LDAF1: variants seen among roughly 807,000 people sequenced by gnomAD.
LDAF1 encodes the protein PROMETHIN.
In LDAF1, 7 loss-of-function variants were observed where a neutral mutation model predicts 13.5. The ratio of observed to expected loss-of-function variants is 0.52; its 90% CI spans 0.29 to 0.97. The LOEUF is 0.97. LDAF1 is among the 50% of genes least tolerant of loss of function. The pLI is 0.07. For synonymous variants in LDAF1, 69 were observed against 77.1 expected (o/e 0.89, Z 0.55); for missense variants, 148 against 193.2 (o/e 0.77, Z 1.39).
At chr16:21,177,663 G>T (rs541407019) in intron 4 of LDAF1, among the ~76,000 whole-genome samples, 2 of 126,830 alleles carry the variant, frequency 1.6e-5, no homozygotes, top group East Asian at 4.7e-4. Flanking sequence ...CTCTCACCCA[G>T]GCTGGAGTGC....
At chr16:21,166,922 C>G (rs1288458243) in intron 2 of LDAF1, 1 of 1,535,068 alleles carries the variant, frequency 6.5e-7, no homozygotes, top group South Asian at 1.2e-5. Context: ...GTGATTCCTG[C>G]TACAGTCATC....
chr16:21,175,555 G>C (rs1597565139), intron 4 of LDAF1, among the ~76,000 whole-genome samples: 1 of 152,214 alleles, frequency 6.6e-6, no homozygotes, highest in East Asian at 1.9e-4. Context: ...CTCTACTGCA[G>C]TTAGTCAACT....
chr16:21,170,560 GT>G lies in LDAF1; in HGVS notation c.221del (p.Val74GlyfsTer12), dbSNP rs1174878438. ...TGTTGGATTCTTCCTGCTCATCGTG[GT>G]GCTTACCACCCTGGCTGCTCTGCTG... is the stretch of plus-strand genomic sequence containing the variant. ...VPVGFFLLIV[V>X]LTTLAALLGV... On this transcript the variant is annotated frameshift_variant, in exon 3 of 5. Coordinates refer to ENST00000233047, the MANE Select transcript of LDAF1 (RefSeq NM_001301771.2). LOFTEE classifies it high-confidence loss of function. 6.2e-7 allele frequency: 1 copy of G among 1,614,160 alleles called. No homozygotes were observed.
chr16:21,177,207 G>A (rs1195565935), intron 4 of LDAF1: 2 of 152,126 alleles, frequency 1.3e-5, no homozygotes, highest in African/African-American at 2.4e-5. Flanking sequence ...ATTCTGTTGT[G>A]CTATGTTGTC....
At position 21,160,799 on chromosome 16, in the gene LDAF1, G is replaced by A. The variant is rs537992129; in HGVS notation, c.-98-286G>A. On this transcript the variant is annotated intron_variant, in intron 1 of 4. Coordinates refer to ENST00000233047, the MANE Select transcript of LDAF1 (RefSeq NM_001301771.2). ...TTATTTAACCAATTTTCTCCTAATG[G>A]AAATACAGTTAGCTACTTTCCAATG... 2.0e-5 allele frequency among the ~76,000 whole-genome samples: 3 copies of A among 152,112 alleles called. No individual in the cohort carries two copies. The East Asian group carries it at 5.8e-4, about 29-fold the overall frequency.
Position 21,168,497 on chromosome 16 carries a change from TGCTTTTA to T in LDAF1, c.97-1939_97-1933del, listed in dbSNP as rs1567905489. Among the ~76,000 whole-genome samples, 33 of 147,484 alleles carry T rather than the reference TGCTTTTA, an allele frequency of 2.2e-4. 1 individual carries two copies. The South Asian group carries it at 3.8e-3, about 17-fold the overall frequency. On this transcript the variant is annotated intron_variant, in intron 2 of 4. Coordinates refer to ENST00000233047, the MANE Select transcript of LDAF1 (RefSeq NM_001301771.2). ...TGCTTAATAATGCTTTTAATAATAA[TGCTTTTA>T]ATAATTATAATTATAATAAATAATA... is the stretch of plus-strand genomic sequence containing the variant.
intron 2 of LDAF1, among the ~76,000 whole-genome samples, chr16:21,161,560 C>T (rs1342648465): frequency 1.3e-5 from 2 of 152,178 alleles, no homozygotes; most frequent in African/African-American, 4.8e-5. Context: ...CTGGGAGTCG[C>T]ACACAATACT....
intron 3 of LDAF1, among the ~76,000 whole-genome samples, chr16:21,170,968 T>C (rs969538477): frequency 1.3e-5 from 2 of 152,346 alleles, no homozygotes; most frequent in African/African-American, 4.8e-5. Context: ...AATGCAGATA[T>C]AATAATACAA....
chr16:21,165,972 G>A (rs59309709), intron 2 of LDAF1, among the ~76,000 whole-genome samples: 5,820 of 151,956 alleles, frequency 0.038, 180 homozygotes, highest in East Asian at 0.18. Context: ...TGATTCTCCC[G>A]CCTCAGCCTC....
At chr16:21,165,490 C>A in intron 2 of LDAF1, 1 of 617,150 alleles carries the variant, frequency 1.6e-6, no homozygotes, top group Non-Finnish European at 2.0e-6. Flanking sequence ...TTTTATATCC[C>A]TGTGCCATAC....
chr16:21,173,806 G>A (rs1027616320), intron 3 of LDAF1, among the ~76,000 whole-genome samples: 19 of 152,186 alleles, frequency 1.2e-4, no homozygotes, highest in Non-Finnish European at 2.2e-4. Context: ...GGGCCAGCCA[G>A]TTGTTGCCAT....
intron 4 of LDAF1, among the ~76,000 whole-genome samples, chr16:21,176,277 A>G (rs927065530): frequency 6.6e-5 from 10 of 152,168 alleles, no homozygotes; most frequent in African/African-American, 1.7e-4. Context: ...CTGCCAACCA[A>G]TTGTTTCCAC....
At chr16:21,161,807 C>T (rs1335511387) in intron 2 of LDAF1, among the ~76,000 whole-genome samples, 5 of 152,060 alleles carry the variant, frequency 3.3e-5, no homozygotes, top group Non-Finnish European at 5.9e-5. Flanking sequence ...ATGTGAGTCA[C>T]GTATGTAATT....
intron 2 of LDAF1, chr16:21,166,857 G>A: frequency 6.5e-7 from 1 of 1,535,726 alleles, no homozygotes; most frequent in Admixed American, 2.0e-5. Context: ...AACACAGCAG[G>A]ATCTCACTGG....
At chr16:21,161,407 C>A in intron 2 of LDAF1, 129 bp downstream of exon 2, 1 of 1,122,432 alleles carries the variant, frequency 8.9e-7, no homozygotes, top group African/African-American at 1.6e-5. Context: ...GGCTTACCGC[C>A]CTGCCATGTC....
intron 2 of LDAF1, chr16:21,170,222 C>G: frequency 3.0e-5 from 24 of 811,790 alleles, no homozygotes; most frequent in Non-Finnish European, 3.6e-5. Context: ...AGGCTGGTCT[C>G]AAGCTCCCAA....
rs35455785 is a variant in LDAF1 at position 21,160,260 on chromosome 16, AT to A, written c.-98-815del. Among the ~76,000 whole-genome samples the A allele has an allele frequency of 3.0e-4, 45 of 150,696 alleles. 1 individual carries two copies. In the South Asian group the frequency reaches 4.0e-3, roughly 13 times the overall value. On this transcript the variant is annotated intron_variant, in intron 1 of 4. Coordinates refer to ENST00000233047, the MANE Select transcript of LDAF1 (RefSeq NM_001301771.2). ...TTCTGGGAAATATAAAATAAGAATGATTTTTTTTTTATATTTGAAAACTCAA... is the reference window on the plus strand; with the variant it reads ...TTCTGGGAAATATAAAATAAGAATGATTTTTTTTTATATTTGAAAACTCAA...
chr16:21,165,488 C>A, intron 2 of LDAF1: 2 of 606,630 alleles, frequency 3.3e-6, no homozygotes, highest in Non-Finnish European at 2.1e-6. Flanking sequence ...CCTTTTATAT[C>A]CCTGTGCCAT....
At chr16:21,159,539 T>G in intron 1 of LDAF1, 1 of 1,154,678 alleles carries the variant, frequency 8.7e-7, no homozygotes, top group Non-Finnish European at 1.3e-6. Context: ...GAGATTTATT[T>G]GGAGCCTTGG....
Sources: allele counts gnomAD v4.1 joint callset (sites outside exome capture counted in the v4.1 genomes callset), GRCh38; gene constraint gnomAD v4.1.1; transcripts MANE v1.5; gene names NCBI Gene and HGNC (gene_info 2026-07-23, HGNC 2026-07-21).